Variants in ENTREP2 observed in about 807,000 individuals in gnomAD.
ENTREP2 encodes the protein protein ENTREP2.
At chr15:29,200,036 T>C in the ENTREP2 span, among the ~76,000 whole-genome samples, 1 of 152,228 alleles carries the variant, frequency 6.6e-6, no homozygotes, top group Non-Finnish European at 1.5e-5. Context: ...TATTTGTGTG[T>C]CTCTATCTGG....
chr15:29,478,432 G>C, the ENTREP2 span, among the ~76,000 whole-genome samples: 6 of 152,094 alleles, frequency 3.9e-5, no homozygotes, highest in Admixed American at 3.9e-4. Flanking sequence ...TGCACCTCAA[G>C]TCTTTAAAGT....
At chr15:29,480,338 CAAA>C in the ENTREP2 span, among the ~76,000 whole-genome samples, 30 of 29,424 alleles carry the variant, frequency 1.0e-3, no homozygotes, top group South Asian at 2.6e-3. Flanking sequence ...TTCACTATAG[CAAA>C]AAAAAAAAAA....
the ENTREP2 span, among the ~76,000 whole-genome samples, chr15:29,262,685 TGTTTCCCTG>T: frequency 6.6e-6 from 1 of 152,218 alleles, no homozygotes; most frequent in Non-Finnish European, 1.5e-5. Context: ...TAAACGTAAG[TGTTTCCCTG>T]AGTTGTGTGG....
chr15:29,325,565 C>G, the ENTREP2 span, among the ~76,000 whole-genome samples: 1 of 152,094 alleles, frequency 6.6e-6, no homozygotes, highest in Non-Finnish European at 1.5e-5. Flanking sequence ...ACTAGATCGT[C>G]TGAACAGGTT....
the ENTREP2 span, among the ~76,000 whole-genome samples, chr15:29,652,223 G>C: frequency 1.3e-5 from 2 of 152,146 alleles, no homozygotes; most frequent in African/African-American, 2.4e-5. Context: ...GAAATGACAG[G>C]ACAACCTGCC....
At chr15:29,178,780 C>G in the ENTREP2 span, among the ~76,000 whole-genome samples, 2 of 150,660 alleles carry the variant, frequency 1.3e-5, no homozygotes, top group South Asian at 2.1e-4. Context: ...TTCTCCTTAT[C>G]TAAGACAAGA....
the ENTREP2 span, among the ~76,000 whole-genome samples, chr15:29,131,414 C>T: frequency 1.3e-5 from 2 of 151,676 alleles, no homozygotes; most frequent in African/African-American, 4.9e-5. Flanking sequence ...TAAAGCATCA[C>T]TGGGTCGCAC....
chr15:29,543,157 T>C, the ENTREP2 span, among the ~76,000 whole-genome samples: 2 of 147,140 alleles, frequency 1.4e-5, no homozygotes, highest in South Asian at 2.2e-4. Flanking sequence ...CTACATGACA[T>C]GTTAGTCACA....
chr15:29,545,614 G>A, the ENTREP2 span, among the ~76,000 whole-genome samples: 1 of 152,106 alleles, frequency 6.6e-6, no homozygotes, highest in South Asian at 2.1e-4. Flanking sequence ...TATAAGAGTA[G>A]GTACATGACT....
chr15:29,470,246 G>A, the ENTREP2 span, among the ~76,000 whole-genome samples: 4 of 152,200 alleles, frequency 2.6e-5, no homozygotes, highest in Admixed American at 6.5e-5. Context: ...CCACTGCCAC[G>A]TTTGTTCTAT....
the ENTREP2 span, among the ~76,000 whole-genome samples, chr15:29,494,775 G>C: frequency 6.6e-6 from 1 of 152,112 alleles, no homozygotes; most frequent in African/African-American, 2.4e-5. Context: ...TCCCTGGCTT[G>C]CTTATTTCAC....
chr15:29,295,295 A>T, the ENTREP2 span, among the ~76,000 whole-genome samples: 1 of 152,204 alleles, frequency 6.6e-6, no homozygotes, highest in Non-Finnish European at 1.5e-5. Context: ...GAGGAGTGGC[A>T]TGGCCTCAGG....
the ENTREP2 span, among the ~76,000 whole-genome samples, chr15:29,328,618 A>G: frequency 1.3e-5 from 2 of 152,190 alleles, no homozygotes; most frequent in Non-Finnish European, 2.9e-5. Context: ...CTAGTTGATA[A>G]ATTTGTTTCC....
At chr15:29,474,228 G>A in the ENTREP2 span, among the ~76,000 whole-genome samples, 1 of 152,162 alleles carries the variant, frequency 6.6e-6, no homozygotes, top group Non-Finnish European at 1.5e-5. Context: ...CGAGAAGAGA[G>A]GCTACCTACG....
the ENTREP2 span, among the ~76,000 whole-genome samples, chr15:29,627,310 C>T: frequency 6.6e-6 from 1 of 151,936 alleles, no homozygotes; most frequent in Non-Finnish European, 1.5e-5. Context: ...TTTGGGAGGC[C>T]GAGGTGGGTG....
At chr15:29,136,409 G>A in the ENTREP2 span, 1 of 1,534,694 alleles carries the variant, frequency 6.5e-7, no homozygotes, top group Non-Finnish European at 8.8e-7. Flanking sequence ...GTACGGAGGG[G>A]GGAGCTCAGC....
chr15:29,646,972 G>A, the ENTREP2 span, among the ~76,000 whole-genome samples: 1 of 152,312 alleles, frequency 6.6e-6, no homozygotes, highest in South Asian at 2.1e-4. Flanking sequence ...ACCAACAGAA[G>A]ACAACATTGA....
chr15:29,377,823 A>AAATT, the ENTREP2 span, among the ~76,000 whole-genome samples: 1 of 112,984 alleles, frequency 8.9e-6, no homozygotes, highest in African/African-American at 3.9e-5. Context: ...TCTGTCTCAA[A>AAATT]AATAATAATA....
the ENTREP2 span, among the ~76,000 whole-genome samples, chr15:29,536,337 GC>G: frequency 6.6e-6 from 1 of 152,170 alleles, no homozygotes; most frequent in African/African-American, 2.4e-5. Context: ...ACTCTTACCA[GC>G]AGAGCAGAAA....
Sources: gnomAD v4.1 joint callset for allele counts (sites outside exome capture counted in the v4.1 genomes callset) on GRCh38, gnomAD v4.1.1 for gene constraint, MANE v1.5 for transcripts, NCBI Gene and HGNC (gene_info 2026-07-23, HGNC 2026-07-21) for gene names.